PDE4C: variants seen among roughly 807,000 people sequenced by gnomAD.
PDE4C encodes phosphodiesterase 4C.
PDE4C carries 50 observed loss-of-function variants against 63.9 expected under a neutral mutation model. That is an observed-to-expected ratio of 0.78 (90% CI 0.62 to 0.99). The LOEUF is 0.99. Among genes scored for constraint, PDE4C ranks in the 50% least tolerant of loss-of-function variants. PDE4C has a pLI of 0.00. For missense variants in PDE4C, 777 were observed against 899.1 expected, an observed-to-expected ratio of 0.86 and a Z score of 1.74; for synonymous variants, 377 against 385.1, an observed-to-expected ratio of 0.98 and a Z score of 0.25.
chr19:18,220,794 G>A lies in PDE4C; in HGVS notation c.499+80C>T, dbSNP rs775801062. On this transcript the variant is annotated intron_variant, in intron 5 of 14. Coordinates refer to ENST00000262805, the Ensembl canonical transcript of PDE4C. This position sits in a 1 kb window ranked among gnomAD's most constrained non-coding sequence, Gnocchi z 5.1. ...GCTACAATTAGCCCCAGTATAAGGGGCTCATGGACTGGGGAGGTCACTATG... is the reference window on the plus strand; with the variant it reads ...GCTACAATTAGCCCCAGTATAAGGGACTCATGGACTGGGGAGGTCACTATG... The A allele has an allele frequency of 8.4e-5, 114 of 1,361,130 alleles. No homozygotes were observed. The highest frequency in any genetic ancestry group is 1.6e-5 in the Non-Finnish European group (15 of 965,016). 84.3% of individuals were successfully genotyped at this position (1,361,130 alleles called of 1,614,324 possible). A position where few individuals can be genotyped will look rare whatever the true frequency, so the allele number is the denominator to read the frequency against.
intron 1 of PDE4C, chr19:18,224,477 G>GGA: frequency 1.0e-6 from 1 of 985,524 alleles, no homozygotes; most frequent in South Asian, 4.7e-5. Flanking sequence ...GTCTGAGTTG[G>GGA]GTCTGATCAC....
At chr19:18,211,627 G>A (rs1244933058) in intron 14 of PDE4C, 132 bp downstream of exon 14, 7 of 962,528 alleles carry the variant, frequency 7.3e-6, no homozygotes, top group African/African-American at 1.6e-5. Context: ...GGTCTAACTC[G>A]GCCCAGACAG....
rs2148006558 is a variant in PDE4C, at chr19:18,213,602, T to C, written c.1390-112A>G. 3.4e-6 allele frequency: 4 copies of C among 1,179,582 alleles called. No homozygotes were observed. In the South Asian group the frequency reaches 6.4e-5, roughly 19 times the overall value. The allele number at this position is 1,179,582 out of a possible 1,614,324, so 73.1% of individuals were successfully genotyped here. ...AGACTCAGCCCTCTGGGCCTCAGCA[T>C]ACTCATCTGTGAAATGGAAGGATGC... On this transcript the variant is annotated intron_variant, in intron 12 of 14. Coordinates refer to ENST00000262805, the Ensembl canonical transcript of PDE4C.
chr19:18,232,931 C>G (rs1968879550), intron 1 of PDE4C: 1 of 1,442,024 alleles, frequency 6.9e-7, no homozygotes, highest in African/African-American at 1.5e-5. Context: ...TGCAGGAGGC[C>G]CCTGCCCCGG....
intron 11 of PDE4C, 110 bp from the exon 12 acceptor site, chr19:18,217,005 A>C (rs1968227975): frequency 8.2e-7 from 1 of 1,214,822 alleles, no homozygotes; most frequent in Non-Finnish European, 1.1e-6. Flanking sequence ...TTGAAGGCCC[A>C]ACTCTAGCAT....
upstream of PDE4C, among the ~76,000 whole-genome samples, chr19:18,235,500 T>C (rs931428895): frequency 5.9e-5 from 9 of 152,076 alleles, no homozygotes; most frequent in African/African-American, 1.9e-4. Context: ...GTAAATGTCA[T>C]CCAAAGCTCC....
At chr19:18,255,305 C>T in the PDE4C span, 4 of 399,180 alleles carry the variant, frequency 1.0e-5, no homozygotes, top group Non-Finnish European at 1.8e-5. The surrounding 1 kb of genome is among the most constrained non-coding windows in gnomAD (Gnocchi z 4.6). Flanking sequence ...GGGGGCACGC[C>T]ATTCCTGCGC....
At chr19:18,237,364 C>T (rs1465758070), upstream of PDE4C, among the ~76,000 whole-genome samples, 2 of 151,050 alleles carry the variant, frequency 1.3e-5, no homozygotes, top group Non-Finnish European at 2.9e-5. Context: ...CCAGCCTGAC[C>T]AACATGGAGA....
chr19:18,244,469 C>CTTTTGTTGTTGTTGGG (rs1969096743), intron 1 of PDE4C, among the ~76,000 whole-genome samples: 1 of 151,482 alleles, frequency 6.6e-6, no homozygotes, highest in Non-Finnish European at 1.5e-5. Context: ...TGAGAGCTCC[C>CTTTTGTTGTTGTTGGG]TTTTGTTGTT....
intron 4 of PDE4C, 24 bp downstream of exon 4, chr19:18,221,081 C>CCCCCA: frequency 2.8e-6 from 3 of 1,075,880 alleles, no homozygotes; most frequent in Non-Finnish European, 3.8e-6. Flanking sequence ...GCCCCGCCCC[C>CCCCCA]GCCCCGCCCC....
At chr19:18,242,985 A>G (rs1222081198) in intron 1 of PDE4C, among the ~76,000 whole-genome samples, 1 of 152,078 alleles carries the variant, frequency 6.6e-6, no homozygotes, top group African/African-American at 2.4e-5. Flanking sequence ...CAGAGGCTAG[A>G]GCAGTGGCCA....
At chr19:18,224,741 A>T (rs939895545) in intron 1 of PDE4C, among the ~76,000 whole-genome samples, 1 of 152,220 alleles carries the variant, frequency 6.6e-6, no homozygotes, top group Non-Finnish European at 1.5e-5. Context: ...GTCCGACTCC[A>T]GCGGGTTTAG....
chr19:18,213,457 G>A, exon 13 of PDE4C: 1 of 1,613,518 alleles, frequency 6.2e-7, no homozygotes, highest in Non-Finnish European at 8.5e-7. Flanking sequence ...TCGGCCAGGA[G>A]GTTCATGTGT....
At chr19:18,245,947 G>A (rs1003637429) in intron 1 of PDE4C, among the ~76,000 whole-genome samples, 1 of 151,352 alleles carries the variant, frequency 6.6e-6, no homozygotes, top group African/African-American at 2.4e-5. Context: ...AGGTTCAAAC[G>A]ATTCTACTGC....
upstream of PDE4C, chr19:18,233,766 A>C: frequency 3.1e-6 from 1 of 324,900 alleles, no homozygotes. Flanking sequence ...GCACCCCCAG[A>C]CCAGGGCGTC....
exon 1 of PDE4C, chr19:18,226,275 C>T (rs1168356549): frequency 6.4e-7 from 1 of 1,563,154 alleles, no homozygotes. Flanking sequence ...CTCACCACAG[C>T]GGATGGGCCA....
chr19:18,254,777 G>A, the PDE4C span, among the ~76,000 whole-genome samples: 57 of 152,306 alleles, frequency 3.7e-4, no homozygotes, highest in Non-Finnish European at 6.2e-4. Flanking sequence ...TGTCTTATAG[G>A]AGAGCAAGAG....
intron 14 of PDE4C, 152 bp from the exon 15 acceptor site, chr19:18,211,428 T>C (rs1967934272): frequency 4.1e-6 from 3 of 735,132 alleles, no homozygotes; most frequent in Non-Finnish European, 6.5e-6. Flanking sequence ...TTCAAATAAC[T>C]CATTCTCTAG....
exon 1 of PDE4C, chr19:18,233,411 G>C (rs1968893240): frequency 1.4e-6 from 1 of 711,026 alleles, no homozygotes; most frequent in Admixed American, 2.0e-5. Flanking sequence ...CTGAAGGGTA[G>C]AACAGGGGAG....
Sources: gnomAD v4.1 joint callset for allele counts (sites outside exome capture counted in the v4.1 genomes callset) on GRCh38, gnomAD v4.1.1 for gene constraint, Gnocchi (gnomAD v3.1) non-coding constraint, MANE v1.5 for transcripts, NCBI Gene and HGNC (gene_info 2026-07-23, HGNC 2026-07-21) for gene names.